FER1L6: variants seen among roughly 807,000 people sequenced by gnomAD.
FER1L6 encodes fer-1 like family member 6, also known as fer-1-like protein 6.
A neutral mutation model predicts 219.2 loss-of-function variants in FER1L6; 177 were observed. The ratio of observed to expected loss-of-function variants is 0.81; its 90% confidence interval spans 0.71 to 0.91. The LOEUF (loss-of-function observed/expected upper bound fraction) is 0.91. Ranked by LOEUF, FER1L6 falls within the 40% of genes least tolerant of loss-of-function variation. FER1L6 has a pLI of 0.00. For synonymous variants in FER1L6, 768 were observed against 824.3 expected (o/e 0.93, Z 1.17); for missense variants, 2,153 against 2,259.9 (o/e 0.95, Z 0.96).
rs577966357 is a variant in FER1L6, at chr8:123,864,278, C to A, written c.-8+12093C>A. 1.7e-3 allele frequency among the ~76,000 whole-genome samples: 249 copies of A among 148,724 alleles called. 20 individuals are homozygous for A. The highest frequency in any genetic ancestry group is 5.9e-3 in the African/African-American group (233 of 39,492). ...GATATGAAATTCTGGGTTGAAAATTCTTTTCTTTAAGAATGTTGAATATTG... is the reference window on the plus strand; with the variant it reads ...GATATGAAATTCTGGGTTGAAAATTATTTTCTTTAAGAATGTTGAATATTG... On this transcript the variant is annotated intron_variant, in intron 1 of 40. Coordinates refer to ENST00000522917, the MANE Select transcript of FER1L6 (RefSeq NM_001039112.2).
intron 1 of FER1L6, among the ~76,000 whole-genome samples, chr8:123,951,454 C>A (rs185614399): frequency 3.9e-5 from 6 of 152,284 alleles, no homozygotes; most frequent in African/African-American, 1.4e-4. Context: ...TTAACAATTT[C>A]TATTGAATTC....
intron 1 of FER1L6, among the ~76,000 whole-genome samples, chr8:123,898,780 CG>C (rs1563677555): frequency 2.0e-5 from 2 of 98,312 alleles, no homozygotes; most frequent in African/African-American, 7.1e-5. Flanking sequence ...TGTATATATA[CG>C]TATGTACATA....
In FER1L6 at chr8:123,924,233, CAAAAAAAA is replaced by C. The variant is rs71289625; in HGVS notation, c.-7-31743_-7-31736del. ...TTGGGTGACAGAGGAGACTCAGTAT[CAAAAAAAA>C]AAAAAAAAAAAAAAAGTATATGGCT... On this transcript the variant is annotated intron_variant, in intron 1 of 40. Transcript: ENST00000522917. Among the ~76,000 whole-genome samples, 5 of 66,964 alleles carry C rather than the reference CAAAAAAAA, an allele frequency of 7.5e-5. No individual in the cohort carries two copies. In the South Asian group the frequency reaches 2.0e-3, roughly 27 times the overall value. 43.9% of individuals were successfully genotyped at this position (66,964 alleles called of 152,430 possible).
intron 1 of FER1L6, 63 bp from the exon 2 acceptor site, chr8:123,955,929 C>T: frequency 1.4e-6 from 2 of 1,472,728 alleles, no homozygotes; most frequent in Non-Finnish European, 1.9e-6. Flanking sequence ...TTGTGTTTAC[C>T]TTCTCCTAAC....
intron 7 of FER1L6, 108 bp downstream of exon 7, chr8:123,973,620 T>G: frequency 1.2e-6 from 1 of 806,864 alleles, no homozygotes; most frequent in Admixed American, 1.8e-5. Context: ...TCAATAACAC[T>G]GAGCACCAGT....
intron 1 of FER1L6, among the ~76,000 whole-genome samples, chr8:123,903,235 T>C (rs1812890941): frequency 6.6e-6 from 1 of 152,228 alleles, no homozygotes; most frequent in African/African-American, 2.4e-5. Flanking sequence ...ATTATTATGT[T>C]TGCATCATTC....
At chr8:124,048,186 A>G (rs1209669444) in intron 21 of FER1L6, among the ~76,000 whole-genome samples, 1 of 152,210 alleles carries the variant, frequency 6.6e-6, no homozygotes, top group Non-Finnish European at 1.5e-5. Context: ...GTTTCCTTCT[A>G]CAGCTGGGGT....
chr8:123,891,713 G>A (rs552982169), intron 1 of FER1L6, among the ~76,000 whole-genome samples: 1 of 152,198 alleles, frequency 6.6e-6, no homozygotes, highest in East Asian at 1.9e-4. Flanking sequence ...TGACTCCCAG[G>A]TATGAAAAAG....
At chr8:124,089,838 T>G (rs1821949271) in intron 33 of FER1L6, among the ~76,000 whole-genome samples, 1 of 152,204 alleles carries the variant, frequency 6.6e-6, no homozygotes, top group South Asian at 2.1e-4. Context: ...CTTGTTGTAC[T>G]TATCCTTATA....
At chr8:124,099,714 A>G (rs1266210625) in intron 37 of FER1L6, among the ~76,000 whole-genome samples, 1 of 152,052 alleles carries the variant, frequency 6.6e-6, no homozygotes, top group Non-Finnish European at 1.5e-5. Flanking sequence ...ATGACATCTC[A>G]TTTTCTCTGA....
At chr8:123,894,208 A>C (rs983853081) in intron 1 of FER1L6, among the ~76,000 whole-genome samples, 27 of 152,204 alleles carry the variant, frequency 1.8e-4, no homozygotes, top group African/African-American at 5.5e-4. Flanking sequence ...TCACATCCAC[A>C]GAATGAAATG....
intron 1 of FER1L6, among the ~76,000 whole-genome samples, chr8:123,895,245 G>A (rs1445932043): frequency 1.3e-5 from 2 of 152,194 alleles, no homozygotes; most frequent in Non-Finnish European, 2.9e-5. Flanking sequence ...CAGCATGAAA[G>A]TCAAGGACAG....
intron 1 of FER1L6, among the ~76,000 whole-genome samples, chr8:123,912,280 A>T (rs10090051): frequency 1.4e-4 from 13 of 91,320 alleles, no homozygotes; most frequent in African/African-American, 5.1e-4. Context: ...GTCAATGTTT[A>T]AAAAAAAAGA....
chr8:123,903,265 A>G (rs1402229809), intron 1 of FER1L6, among the ~76,000 whole-genome samples: 3 of 152,188 alleles, frequency 2.0e-5, no homozygotes, highest in Non-Finnish European at 4.4e-5. Context: ...GACTTTGGAA[A>G]CAAAAGACAT....
rs570223642 is a variant in FER1L6, at chr8:123,961,286, TAGAAGCTTGGGCCCCACCC to T, written c.77-1988_77-1970del. Among the ~76,000 whole-genome samples, 20 of 152,138 alleles carry T rather than the reference TAGAAGCTTGGGCCCCACCC, an allele frequency of 1.3e-4. No individual in the cohort carries two copies. The East Asian group carries it at 3.3e-3, about 25-fold the overall frequency. ...GTCTCCAAAAAATTAAAAAGAAATG[TAGAAGCTTGGGCCCCACCC>T]AGACCTACTCAATCAGAATCTGCAT... On this transcript the variant is annotated intron_variant, in intron 2 of 40. Coordinates refer to ENST00000522917, the MANE Select transcript of FER1L6 (RefSeq NM_001039112.2).
chr8:123,891,527 C>A (rs1361708337), intron 1 of FER1L6, among the ~76,000 whole-genome samples: 1 of 151,940 alleles, frequency 6.6e-6, no homozygotes, highest in Non-Finnish European at 1.5e-5. Flanking sequence ...AGAATGTTAG[C>A]AATTAGATAC....
Position 123,963,878 on chromosome 8 carries a change from A to T in FER1L6, c.197+480A>T, listed in dbSNP as rs1384205648. Among the ~76,000 whole-genome samples the T allele has an allele frequency of 2.0e-5, 3 of 152,228 alleles. No individual in the cohort carries two copies. In the East Asian group the frequency reaches 5.8e-4, roughly 29 times the overall value. The stretch of plus-strand genomic sequence containing the variant: ...GCCCCCAGATCTGTGGCTTAATATA[A>T]TAAGCATTTATTATTGCTAATGAAT... On this transcript the variant is annotated intron_variant, in intron 3 of 40. Transcript: ENST00000522917.
chr8:123,852,555 A>G lies in FER1L6; in HGVS notation c.-8+370A>G, dbSNP rs1199110850. ...GAGGAGAAAGAAGAGAGACTGGTAA[A>G]ATTTTGGGGGATTATAGAGACAAAA... On this transcript the variant is annotated intron_variant, in intron 1 of 40. Transcript: ENST00000522917. The surrounding 1 kb of genome is among the most constrained non-coding windows in gnomAD (Gnocchi z 4.9). Among the ~76,000 whole-genome samples the G allele has an allele frequency of 6.6e-6, 1 of 151,390 alleles. No individual in the cohort carries two copies. Among genetic ancestry groups the G allele is most frequent in the African/African-American group, 2.4e-5 (1 of 41,130 alleles).
chr8:123,973,008 G>A (rs1815890825), intron 6 of FER1L6, among the ~76,000 whole-genome samples: 1 of 152,172 alleles, frequency 6.6e-6, no homozygotes, highest in Non-Finnish European at 1.5e-5. Flanking sequence ...AATGATTCAA[G>A]GCAATATGTG....
Sources: allele counts gnomAD v4.1 joint callset (sites outside exome capture counted in the v4.1 genomes callset), GRCh38; gene constraint gnomAD v4.1.1; non-coding constraint Gnocchi (gnomAD v3.1); transcripts MANE v1.5; gene names NCBI Gene and HGNC (gene_info 2026-07-23, HGNC 2026-07-21).